The following AKAP1 variants were observed in gnomAD, a reference collection of about 807,000 sequenced individuals.
The protein encoded by AKAP1 is A-kinase anchor protein 1, mitochondrial.
A neutral mutation model predicts 79.8 loss-of-function variants in AKAP1; 32 were observed. That is an observed-to-expected ratio of 0.40 (90% CI 0.30 to 0.54). AKAP1 has a LOEUF of 0.54. Among genes scored for constraint, AKAP1 ranks in the 20% least tolerant of loss-of-function variants. The pLI, the probability that AKAP1 is intolerant of heterozygous loss-of-function variation, is 0.47. For synonymous variants in AKAP1, 416 were observed against 466.7 expected (o/e 0.89, Z 1.40); for missense variants, 961 against 1,138.9 (o/e 0.84, Z 2.25).
intron 4 of AKAP1, 125 bp from the exon 5 acceptor site, chr17:57,112,366 C>T: frequency 8.3e-7 from 1 of 1,209,564 alleles, no homozygotes; most frequent in Non-Finnish European, 1.2e-6. Context: ...GTTTTGTTAC[C>T]TCAAAGATGC....
intron 1 of AKAP1, among the ~76,000 whole-genome samples, chr17:57,105,127 TAGAG>T (rs1410210612): frequency 3.3e-5 from 5 of 152,100 alleles, no homozygotes; most frequent in South Asian, 2.1e-4. Flanking sequence ...TTGGGGAACA[TAGAG>T]AGAATTTGGC....
intron 10 of AKAP1, 120 bp from the exon 11 acceptor site, chr17:57,120,130 C>A: frequency 1.2e-6 from 1 of 847,610 alleles, no homozygotes; most frequent in Non-Finnish European, 1.9e-6. Flanking sequence ...CTGGCCTACA[C>A]TGTTACTCTC....
At chr17:57,102,034 GTT>G (rs1360492712) in intron 1 of AKAP1, among the ~76,000 whole-genome samples, 3 of 152,156 alleles carry the variant, frequency 2.0e-5, no homozygotes, top group Non-Finnish European at 2.9e-5. Context: ...CCCCTGAAAT[GTT>G]TGTTAATCCC....
intron 1 of AKAP1, 52 bp from the exon 2 acceptor site, chr17:57,105,389 C>T (rs1042511530): frequency 6.4e-7 from 1 of 1,560,280 alleles, no homozygotes; most frequent in African/African-American, 1.4e-5. Context: ...TGCCAGTATC[C>T]TCCTACCTGG....
intron 1 of AKAP1, chr17:57,085,659 C>G (rs1297785100): frequency 6.6e-6 from 1 of 152,130 alleles, no homozygotes; most frequent in African/African-American, 2.4e-5. Flanking sequence ...CCTGACAGAT[C>G]GCGTGTGCGC....
intron 9 of AKAP1, among the ~76,000 whole-genome samples, 192 bp downstream of exon 9, chr17:57,118,646 A>G (rs1277045380): frequency 6.6e-6 from 1 of 152,206 alleles, no homozygotes; most frequent in Non-Finnish European, 1.5e-5. Context: ...TGAATAATCT[A>G]TAAAGGAAAG....
chr17:57,116,840 T>C lies in AKAP1; in HGVS notation c.2433-20T>C. On this transcript the variant is annotated intron_variant, in intron 7 of 10. Transcript: ENST00000337714. ...AGCCTTCATGTCCACATTAAACTTG[T>C]TCCTTTCTTGCCTTCCCAGGTCTGA... is the stretch of plus-strand genomic sequence containing the variant. 6.2e-7 allele frequency: 1 copy of C among 1,613,134 alleles called. No homozygotes were observed. Among genetic ancestry groups the C allele is most frequent in the African/African-American group, 1.3e-5 (1 of 75,018 alleles).
chr17:57,105,457 C>A lies in AKAP1; in HGVS notation c.-8C>A. On this transcript the variant is annotated 5_prime_UTR_variant, in exon 2 of 11. Coordinates refer to ENST00000337714, the MANE Select transcript of AKAP1 (RefSeq NM_003488.4). ...TCTCCCCAGGTGTAATTACTTCAAG[C>A]CTCCAGGATGGCAATCCAGTTCCGT... The A allele has an allele frequency of 6.2e-7, 1 of 1,614,078 alleles. No homozygotes were observed.
chr17:57,108,347 C>A (rs1419256309), intron 2 of AKAP1, among the ~76,000 whole-genome samples: 1 of 152,182 alleles, frequency 6.6e-6, no homozygotes, highest in Non-Finnish European at 1.5e-5. Context: ...AGGCAAGATA[C>A]TATATGATGC....
Position 57,105,704 on chromosome 17 carries a change from G to A in AKAP1, c.240G>A (p.Lys80=). The A allele has an allele frequency of 6.2e-7, 1 of 1,614,154 alleles. No homozygotes were observed. Among genetic ancestry groups the A allele is most frequent in the Non-Finnish European group, 8.5e-7 (1 of 1,180,028 alleles). ...CCAGTGTCACAGAGCCTCCAGAAAA[G>A]GAACTGTCCACCGTGAGCAAGCTGC... The part of the protein sequence containing the change: ...TPPSVTEPPE[K]ELSTVSKLPA... The change falls in exon 2 of 11, where the codon AAG becomes AAA. Residue 80 remains lysine (K), a synonymous_variant. Transcript: ENST00000337714.
chr17:57,118,249 TC>T, intron 8 of AKAP1, 131 bp from the exon 9 acceptor site: 2 of 767,572 alleles, frequency 2.6e-6, no homozygotes, highest in Non-Finnish European at 4.4e-6. Flanking sequence ...TGGGTGGATC[TC>T]CCCAGTGCAG....
chr17:57,114,444 C>G lies in AKAP1; in HGVS notation c.2104-15C>G, dbSNP rs761210332. 4 of 1,612,852 alleles carry G rather than the reference C, an allele frequency of 2.5e-6. No homozygotes were observed. The highest frequency in any genetic ancestry group is 4.5e-5 in the East Asian group (2 of 44,858). On this transcript the variant is annotated splice_polypyrimidine_tract_variant and intron_variant, in intron 5 of 10. Coordinates refer to ENST00000337714, the MANE Select transcript of AKAP1 (RefSeq NM_003488.4). ...AAGGATTGTTTCAGTGACCGCTCCC[C>G]CTTCCCCTCTACAGCTCATGCTGCC...
Position 57,120,383 on chromosome 17 carries a change from A to G in AKAP1, c.*59A>G. 6.8e-7 allele frequency: 1 copy of G among 1,464,098 alleles called. No individual in the cohort carries two copies. The highest frequency in any genetic ancestry group is 1.2e-5 in the South Asian group (1 of 84,838). The allele number at this position is 1,464,098 out of a possible 1,614,324, so 90.7% of individuals were successfully genotyped here. A position where few individuals can be genotyped will look rare whatever the true frequency, so the allele number is the denominator to read the frequency against. On this transcript the variant is annotated 3_prime_UTR_variant, in exon 11 of 11. Coordinates refer to ENST00000337714, the MANE Select transcript of AKAP1 (RefSeq NM_003488.4). ...ACTGTTGAAATTGGGCTTGGCACTC[A>G]AGTCAAAGATGAACATCGGAATAAC... is the stretch of plus-strand genomic sequence containing the variant.
intron 1 of AKAP1, among the ~76,000 whole-genome samples, chr17:57,101,966 AACT>A (rs1417136829): frequency 2.0e-5 from 3 of 152,172 alleles, no homozygotes; most frequent in African/African-American, 7.2e-5. Context: ...ACATGAGATC[AACT>A]TCTTTCGGTA....
rs1008975371 is a variant in AKAP1, at chr17:57,121,113, C to T, written c.*789C>T. 1 of 152,444 alleles carries T rather than the reference C, an allele frequency of 6.6e-6. No homozygotes were observed. Among genetic ancestry groups the T allele is most frequent in the Non-Finnish European group, 1.5e-5 (1 of 68,066 alleles). 9.4% of individuals were successfully genotyped at this position (152,444 alleles called of 1,614,324 possible). A position where few individuals can be genotyped will look rare whatever the true frequency, so the allele number is the denominator to read the frequency against. ...AGTAAACTCTGCAGTGCAGCTTCTG[C>T]TCTTGGCCCCTCTGGCCAGGGCCCC... On this transcript the variant is annotated 3_prime_UTR_variant, in exon 11 of 11. Transcript: ENST00000337714.
In AKAP1 at chr17:57,120,627, T is replaced by A. The variant is rs1915871694; in HGVS notation, c.*303T>A. 1 of 249,670 alleles carries A rather than the reference T, an allele frequency of 4.0e-6. No individual in the cohort carries two copies. Among genetic ancestry groups the A allele is most frequent in the Non-Finnish European group, 7.7e-6 (1 of 130,302 alleles). 15.5% of individuals were successfully genotyped at this position (249,670 alleles called of 1,614,324 possible). On this transcript the variant is annotated 3_prime_UTR_variant, in exon 11 of 11. Transcript: ENST00000337714. The stretch of plus-strand genomic sequence containing the variant: ...TTCAACCAGATTGTCCTATTCCCCC[T>A]GTTCCATTCCCCTCTTCTTCCTTCT...
chr17:57,119,830 C>CTTTTTTTTTTATTTTT (rs1915811222), intron 10 of AKAP1, among the ~76,000 whole-genome samples: 1 of 70,290 alleles, frequency 1.4e-5, no homozygotes, highest in African/African-American at 6.6e-5. Context: ...CCCTGTTACT[C>CTTTTTTTTTTATTTTT]TTTTTTTTTT....
intron 10 of AKAP1, among the ~76,000 whole-genome samples, chr17:57,119,706 C>G (rs376319389): frequency 6.6e-6 from 1 of 151,940 alleles, no homozygotes; most frequent in Admixed American, 6.5e-5. Context: ...CAGAGCAAGA[C>G]TCTGTCTCAA....
intron 6 of AKAP1, among the ~76,000 whole-genome samples, chr17:57,115,833 A>T (rs1915545098): frequency 1.3e-5 from 2 of 152,080 alleles, no homozygotes; most frequent in Non-Finnish European, 2.9e-5. Context: ...GGGTCCCAGA[A>T]GTTTTGGAGT....
Sources: gnomAD v4.1 joint callset for allele counts (sites outside exome capture counted in the v4.1 genomes callset) on GRCh38, gnomAD v4.1.1 for gene constraint, MANE v1.5 for transcripts, NCBI Gene and HGNC (gene_info 2026-07-23, HGNC 2026-07-21) for gene names.